NINJ2: variants seen among roughly 807,000 people sequenced by gnomAD.
NINJ2 encodes the protein ninjurin 2.
Under a neutral mutation model 11.7 loss-of-function variants are expected in NINJ2, and 12 were observed. That is an observed-to-expected ratio of 1.02 (90% CI 0.66 to 1.66). The LOEUF (loss-of-function observed/expected upper bound fraction) is 1.66, where lower values mean the gene tolerates loss of function less well. Among genes scored for constraint, NINJ2 ranks in the 40% most tolerant of loss-of-function variants. NINJ2 has a pLI of 0.00. For missense variants in NINJ2, 187 were observed against 181.8 expected (o/e 1.03, Z -0.16); for synonymous variants, 93 against 76.8 (o/e 1.21, Z -1.10).
chr12:639,384 G>T (rs537851547), intron 1 of NINJ2, among the ~76,000 whole-genome samples: 1 of 152,262 alleles, frequency 6.6e-6, no homozygotes, highest in African/African-American at 2.4e-5. Context: ...ACTTGCCCTA[G>T]GTCAGACAGC....
At chr12:655,592 A>G (rs1937861779) in intron 1 of NINJ2, among the ~76,000 whole-genome samples, 1 of 152,036 alleles carries the variant, frequency 6.6e-6, no homozygotes, top group East Asian at 1.9e-4. Flanking sequence ...GAAAACTACA[A>G]AACTGATTAA....
Position 640,017 on chromosome 12 carries a change from A to G in NINJ2, c.33+23311T>C, listed in dbSNP as rs1207347133. ...GCCCCCGAATAGTGTATTGGAGATG[A>G]CACGGTGTTTAGTGCTGTTTCAGGT... is the stretch of plus-strand genomic sequence containing the variant. On this transcript the variant is annotated intron_variant, in intron 1 of 3. Transcript: ENST00000305108. The surrounding 1 kb of genome is among the most constrained non-coding windows in gnomAD (Gnocchi z 4.0). 6.6e-6 allele frequency among the ~76,000 whole-genome samples: 1 copy of G among 152,254 alleles called. No individual in the cohort carries two copies. Among genetic ancestry groups the G allele is most frequent in the African/African-American group, 2.4e-5 (1 of 41,468 alleles).
intron 1 of NINJ2, among the ~76,000 whole-genome samples, chr12:595,791 A>C (rs978254292): frequency 6.6e-6 from 1 of 152,232 alleles, no homozygotes; most frequent in Non-Finnish European, 1.5e-5. Flanking sequence ...AAGGACAGTT[A>C]TTTAAAATAT....
intron 1 of NINJ2, among the ~76,000 whole-genome samples, chr12:610,940 G>A (rs987158824): frequency 2.0e-5 from 3 of 151,908 alleles, no homozygotes; most frequent in African/African-American, 4.8e-5. Flanking sequence ...TCACCATGTT[G>A]GCCAGGCTGG....
At chr12:583,637 T>C (rs1057319298) in intron 1 of NINJ2, among the ~76,000 whole-genome samples, 2 of 152,240 alleles carry the variant, frequency 1.3e-5, no homozygotes, top group African/African-American at 2.4e-5. Flanking sequence ...CCAGGACAGC[T>C]TGGGGGTCTC....
chr12:603,665 T>C (rs1320741378), intron 1 of NINJ2, among the ~76,000 whole-genome samples: 1 of 146,834 alleles, frequency 6.8e-6, no homozygotes, highest in African/African-American at 2.7e-5. Context: ...ACTATTCTTT[T>C]TCTTTTTTTT....
chr12:618,866 A>G (rs1948123004), intron 1 of NINJ2, among the ~76,000 whole-genome samples: 1 of 152,094 alleles, frequency 6.6e-6, no homozygotes, highest in African/African-American at 2.4e-5. Flanking sequence ...TTGGCTCTAG[A>G]CTCAGATGGT....
chr12:570,649 C>G (rs1435611527), intron 1 of NINJ2, among the ~76,000 whole-genome samples: 5 of 152,144 alleles, frequency 3.3e-5, no homozygotes, highest in Non-Finnish European at 7.4e-5. Context: ...CCGGACTCTT[C>G]GCCGCTGGCT....
intron 1 of NINJ2, among the ~76,000 whole-genome samples, chr12:637,650 AAAAAAG>A (rs561136290): frequency 8.1e-4 from 123 of 152,070 alleles, no homozygotes; most frequent in African/African-American, 2.7e-3. Context: ...CAAAAAAAAA[AAAAAAG>A]AAAAAGAAAA....
chr12:620,424 C>T (rs1275755059), intron 1 of NINJ2, among the ~76,000 whole-genome samples: 1 of 152,246 alleles, frequency 6.6e-6, no homozygotes, highest in Admixed American at 6.5e-5. Flanking sequence ...GCCTAGAGAA[C>T]AAATAGATGA....
At position 601,445 on chromosome 12, in the gene NINJ2, G is replaced by A. The variant is rs1423819537; in HGVS notation, c.34-35267C>T. ...CGCCTGTAGTCCCAGCTACAGGGGA[G>A]GCTGAGGCAGGAGAATGGTGTGAAC... On this transcript the variant is annotated intron_variant, in intron 1 of 3. Transcript: ENST00000305108. 2.0e-5 allele frequency among the ~76,000 whole-genome samples: 3 copies of A among 152,170 alleles called. No individual in the cohort carries two copies. The East Asian group carries it at 5.8e-4, about 29-fold the overall frequency.
rs140817733 is a variant in NINJ2, at chr12:565,968, C to T, written c.244G>A (p.Val82Ile). ...LSLLLQVVIG[V>I]LLVVIARLNL... ...TCCTCACCAATGACCACGAGCAGGA[C>T]ACCGATGACCACCTGCAGGAGCAGA... The change falls in exon 2 of 4, where the codon GTC (valine) becomes ATC (isoleucine). Residue 82 changes from valine (V) to isoleucine (I), a missense_variant. By Grantham distance (29) the Val-to-Ile change is conservative (BLOSUM62 3). Transcript: ENST00000305108. 4.6e-4 allele frequency: 750 copies of T among 1,614,170 alleles called. 10 individuals are homozygous for T. The South Asian group carries it at 7.2e-3, about 15-fold the overall frequency.
In NINJ2 at chr12:614,615, C is replaced by T. The variant is rs775822881; in HGVS notation, c.34-48437G>A. ...CATGTCTTCCTCCTCCATGCCTAGA[C>T]GTTCTTTAGTACCTGTGCTCTAAGA... On this transcript the variant is annotated intron_variant, in intron 1 of 3. Coordinates refer to ENST00000305108, the MANE Select transcript of NINJ2 (RefSeq NM_016533.6). This position sits in a 1 kb window ranked among gnomAD's most constrained non-coding sequence, Gnocchi z 5.1. Among the ~76,000 whole-genome samples the T allele has an allele frequency of 1.3e-5, 2 of 152,186 alleles. No homozygotes were observed. Among genetic ancestry groups the T allele is most frequent in the Non-Finnish European group, 2.9e-5 (2 of 68,028 alleles).
chr12:624,594 G>T (rs1592103948), intron 1 of NINJ2, among the ~76,000 whole-genome samples: 1 of 152,068 alleles, frequency 6.6e-6, no homozygotes, highest in East Asian at 1.9e-4. Flanking sequence ...GATGACCTGA[G>T]GTCAGCAGTT....
Position 585,458 on chromosome 12 carries a change from G to C in NINJ2, c.34-19280C>G, listed in dbSNP as rs1237575760. 2.0e-5 allele frequency among the ~76,000 whole-genome samples: 3 copies of C among 151,862 alleles called. No homozygotes were observed. The highest frequency in any genetic ancestry group is 4.4e-5 in the Non-Finnish European group (3 of 68,006). On this transcript the variant is annotated intron_variant, in intron 1 of 3. Coordinates refer to ENST00000305108, the MANE Select transcript of NINJ2 (RefSeq NM_016533.6). This position sits in a 1 kb window ranked among gnomAD's most constrained non-coding sequence, Gnocchi z 4.1. ...TTCAGTGTCAGTCCTATCCTCATCAGGCAGGCAACGGTTGGAGGAAGGGAA... is the reference window on the plus strand; with the variant it reads ...TTCAGTGTCAGTCCTATCCTCATCACGCAGGCAACGGTTGGAGGAAGGGAA...
At chr12:588,770 A>T (rs774683344) in intron 1 of NINJ2, among the ~76,000 whole-genome samples, 3 of 152,226 alleles carry the variant, frequency 2.0e-5, no homozygotes, top group Non-Finnish European at 4.4e-5. Flanking sequence ...AGAAAAACTG[A>T]GTACAAACAA....
chr12:603,775 C>T (rs1947903288), intron 1 of NINJ2, among the ~76,000 whole-genome samples: 1 of 152,094 alleles, frequency 6.6e-6, no homozygotes, highest in African/African-American at 2.4e-5. Context: ...ATCCTCCTGC[C>T]TCAACCCCCT....
intron 1 of NINJ2, among the ~76,000 whole-genome samples, chr12:589,026 T>G (rs1947682742): frequency 6.6e-6 from 1 of 152,206 alleles, no homozygotes. Context: ...GTAAGTCCAC[T>G]TCTAGGAGTC....
chr12:587,719 C>T (rs535550676), intron 1 of NINJ2, among the ~76,000 whole-genome samples: 10 of 152,170 alleles, frequency 6.6e-5, no homozygotes, highest in Admixed American at 3.9e-4. Context: ...AGGGACCCTG[C>T]GCCTCACAGG....
Sources: gnomAD v4.1 joint callset for allele counts (sites outside exome capture counted in the v4.1 genomes callset) on GRCh38, gnomAD v4.1.1 for gene constraint, Gnocchi (gnomAD v3.1) non-coding constraint, MANE v1.5 for transcripts, NCBI Gene and HGNC (gene_info 2026-07-23, HGNC 2026-07-21) for gene names.